The following PITPNM3 variants were observed in gnomAD, a reference collection of about 807,000 sequenced individuals.
PITPNM3 encodes membrane-associated phosphatidylinositol transfer protein 3.
PITPNM3 carries 26 observed loss-of-function variants against 102.0 expected under a neutral mutation model. The observed-to-expected ratio is 0.25, with a 90% CI of 0.19 to 0.35. The LOEUF (loss-of-function observed/expected upper bound fraction) is 0.35, where lower values mean the gene tolerates loss of function less well. Among genes scored for constraint, PITPNM3 ranks in the 10% least tolerant of loss-of-function variants. The probability of loss-of-function intolerance (pLI) is 1.00; values close to 1 mark genes in which losing one functional copy is unlikely to be tolerated. For missense variants in PITPNM3, 1,083 were observed against 1,346.1 expected (o/e 0.80, Z 3.06); for synonymous variants, 578 against 558.6 (o/e 1.03, Z -0.49).
At chr17:6,476,962 A>G in intron 9 of PITPNM3, 67 bp downstream of exon 9, 1 of 1,566,352 alleles carries the variant, frequency 6.4e-7, no homozygotes, top group Non-Finnish European at 8.7e-7. Context: ...GGGACATCTG[A>G]CTGGTCACAG....
chr17:6,523,994 T>C (rs1158541775), intron 3 of PITPNM3, among the ~76,000 whole-genome samples: 1 of 152,180 alleles, frequency 6.6e-6, no homozygotes, highest in African/African-American at 2.4e-5. Context: ...TTGGGGGACT[T>C]TGGGCAAGAC....
At chr17:6,502,587 C>A (rs1022246572) in intron 4 of PITPNM3, among the ~76,000 whole-genome samples, 1 of 152,206 alleles carries the variant, frequency 6.6e-6, no homozygotes, top group Non-Finnish European at 1.5e-5. Context: ...GATGGAAGAG[C>A]TTGCAGAGCA....
At chr17:6,494,029 C>T (rs1332537239) in intron 4 of PITPNM3, among the ~76,000 whole-genome samples, 1 of 152,218 alleles carries the variant, frequency 6.6e-6, no homozygotes, top group Non-Finnish European at 1.5e-5. Flanking sequence ...CTACAGACTC[C>T]TTTGCAACAA....
In PITPNM3 at chr17:6,517,812, G is replaced by A. The variant is rs1054812718; in HGVS notation, c.226+7544C>T. 4.6e-5 allele frequency among the ~76,000 whole-genome samples: 7 copies of A among 151,982 alleles called. No homozygotes were observed. Among genetic ancestry groups the A allele is most frequent in the African/African-American group, 1.2e-4 (5 of 41,376 alleles). ...TGGGCTCAAGCGATCCTCCCACCTC[G>A]GCCTCCCAAAGTATTGGGATTACAG... On this transcript the variant is annotated intron_variant, in intron 3 of 19. Coordinates refer to ENST00000262483, the MANE Select transcript of PITPNM3 (RefSeq NM_031220.4). This position sits in a 1 kb window ranked among gnomAD's most constrained non-coding sequence, Gnocchi z 4.1.
chr17:6,461,470 T>C lies in PITPNM3; in HGVS notation c.2393A>G (p.Gln798Arg), dbSNP rs757340371. ...GATCATGCCCTGTGGGAAGTTGTGC[T>C]GGGACAGCCACGACACCACCCGCTG... is the stretch of plus-strand genomic sequence containing the variant. ...QKQRVVSWLS[Q>R]HNFPQGMIFF... The change falls in exon 18 of 20, where the codon CAG becomes CGG. Residue 798 changes from glutamine to arginine, a missense_variant. Physicochemically the swap from Gln to Arg is conservative, Grantham distance 43. Coordinates refer to ENST00000262483, the MANE Select transcript of PITPNM3 (RefSeq NM_031220.4). 2 of 1,614,058 alleles carry C rather than the reference T, an allele frequency of 1.2e-6. No homozygotes were observed.
chr17:6,455,271 C>T lies in PITPNM3; in HGVS notation c.*67G>A. 1 of 1,498,430 alleles carries T rather than the reference C, an allele frequency of 6.7e-7. No individual in the cohort carries two copies. The allele number at this position is 1,498,430 out of a possible 1,614,324, so 92.8% of individuals were successfully genotyped here. On this transcript the variant is annotated 3_prime_UTR_variant, in exon 20 of 20. Coordinates refer to ENST00000262483, the MANE Select transcript of PITPNM3 (RefSeq NM_031220.4). ...AACGCCTGTGTCGGGGAGAGGGCAGCCCCCTCCCGTCCCCGCAGGCAGCCT... is the reference window on the plus strand; with the variant it reads ...AACGCCTGTGTCGGGGAGAGGGCAGTCCCCTCCCGTCCCCGCAGGCAGCCT...
intron 2 of PITPNM3, among the ~76,000 whole-genome samples, chr17:6,536,075 GA>G (rs1268505842): frequency 1.3e-4 from 18 of 136,432 alleles, no homozygotes; most frequent in South Asian, 1.2e-3. Flanking sequence ...AAAAAAAAAG[GA>G]AAAAAAAAGA....
intron 3 of PITPNM3, among the ~76,000 whole-genome samples, chr17:6,507,934 A>T (rs1907631940): frequency 6.6e-6 from 1 of 151,574 alleles, no homozygotes; most frequent in South Asian, 2.1e-4. Context: ...GGGAGGTGGG[A>T]AAGTTGGGGA....
Position 6,461,568 on chromosome 17 carries a change from G to A in PITPNM3, c.2307-12C>T, listed in dbSNP as rs375605801. ...AGTCCTGCCAGTGCCTGGTGAGATG[G>A]CATTAGAAGGGTCCAGCCCTGCCCA... On this transcript the variant is annotated splice_polypyrimidine_tract_variant and intron_variant, in intron 17 of 19. Transcript: ENST00000262483. 423 of 1,613,838 alleles carry A rather than the reference G, an allele frequency of 2.6e-4. 1 individual carries two copies. Among genetic ancestry groups the A allele is most frequent in the South Asian group, 3.4e-4 (31 of 91,084 alleles).
At chr17:6,460,647 A>G (rs769457876) in intron 18 of PITPNM3, 1 of 152,406 alleles carries the variant, frequency 6.6e-6, no homozygotes, top group African/African-American at 2.4e-5. Context: ...CATTCTTTTG[A>G]TTATTCTCTC....
At chr17:6,495,178 G>A (rs926284819) in intron 4 of PITPNM3, among the ~76,000 whole-genome samples, 1 of 152,146 alleles carries the variant, frequency 6.6e-6, no homozygotes, top group Non-Finnish European at 1.5e-5. Flanking sequence ...AATTGTGTGC[G>A]CTGGAAGACA....
chr17:6,504,193 G>A (rs1323584754), intron 3 of PITPNM3, among the ~76,000 whole-genome samples: 2 of 152,106 alleles, frequency 1.3e-5, no homozygotes, highest in Admixed American at 6.6e-5. Context: ...CAAGGGACTC[G>A]AGAATCCTTC....
At chr17:6,505,195 A>AAAATATATATATATATATATAT (rs1907420096) in intron 3 of PITPNM3, among the ~76,000 whole-genome samples, 1 of 136,290 alleles carries the variant, frequency 7.3e-6, no homozygotes, top group African/African-American at 3.0e-5. Flanking sequence ...AGACAAATAA[A>AAAATATATATATATATATATAT]ATATATATAT....
intron 17 of PITPNM3, among the ~76,000 whole-genome samples, chr17:6,463,489 GGAA>G (rs1319955521): frequency 1.3e-4 from 19 of 151,742 alleles, no homozygotes; most frequent in Non-Finnish European, 1.8e-4. Flanking sequence ...GAGGGAGGGA[GGAA>G]GGAAGTGAGG....
At chr17:6,483,453 G>C (rs1002399557) in intron 6 of PITPNM3, 64 bp downstream of exon 6, 16 of 1,487,926 alleles carry the variant, frequency 1.1e-5, no homozygotes, top group Non-Finnish European at 1.5e-5. Context: ...TGCTGCAGGG[G>C]GAGCCCCTCC....
Position 6,451,892 on chromosome 17 carries a change from C to CCCCCAGGGG in PITPNM3, c.*3445_*3446insCCCCTGGGG, listed in dbSNP as rs55984944. ...ACCCAAACCCCCCCCCCCCGCCCGC[C>CCCCCAGGGG]GATGGGATTCGGTGGGAAAGTTGGT... On this transcript the variant is annotated 3_prime_UTR_variant, in exon 20 of 20. Coordinates refer to ENST00000262483, the MANE Select transcript of PITPNM3 (RefSeq NM_031220.4). 1 of 94,446 alleles carries CCCCCAGGGG rather than the reference C, an allele frequency of 1.1e-5. No individual in the cohort carries two copies. The highest frequency in any genetic ancestry group is 2.2e-5 in the Non-Finnish European group (1 of 46,070). 5.9% of individuals were successfully genotyped at this position (94,446 alleles called of 1,614,324 possible).
intron 3 of PITPNM3, among the ~76,000 whole-genome samples, chr17:6,522,024 C>T (rs1475420336): frequency 1.3e-5 from 2 of 152,170 alleles, no homozygotes; most frequent in Non-Finnish European, 2.9e-5. Context: ...AAACCCTAAG[C>T]CTGTGCCACT....
intron 1 of PITPNM3, among the ~76,000 whole-genome samples, chr17:6,550,020 T>G (rs1275551578): frequency 6.6e-6 from 1 of 151,946 alleles, no homozygotes; most frequent in Non-Finnish European, 1.5e-5. Flanking sequence ...CCAGGGAGGC[T>G]CTCTCCAAAA....
intron 4 of PITPNM3, among the ~76,000 whole-genome samples, chr17:6,487,845 G>A (rs531057610): frequency 6.6e-6 from 1 of 152,290 alleles, no homozygotes; most frequent in South Asian, 2.1e-4. Context: ...TGGTTCCGTG[G>A]GGATGGGAGC....
Sources: allele counts gnomAD v4.1 joint callset (sites outside exome capture counted in the v4.1 genomes callset), GRCh38; gene constraint gnomAD v4.1.1; non-coding constraint Gnocchi (gnomAD v3.1); transcripts MANE v1.5; gene names NCBI Gene and HGNC (gene_info 2026-07-23, HGNC 2026-07-21).